CCSER1: variants seen among roughly 807,000 people sequenced by gnomAD.
CCSER1 encodes serine-rich coiled-coil domain-containing protein 1.
CCSER1 carries 41 observed loss-of-function variants against 82.0 expected under a neutral mutation model. The ratio of observed to expected loss-of-function variants is 0.50; its 90% CI spans 0.39 to 0.65. The LOEUF is 0.65. Among genes scored for constraint, CCSER1 ranks in the 30% least tolerant of loss-of-function variants. CCSER1 has a pLI of 0.00. For synonymous variants in CCSER1, 414 were observed against 383.9 expected (o/e 1.08, Z -0.92); for missense variants, 1,119 against 1,064.2 (o/e 1.05, Z -0.72).
intron 10 of CCSER1, among the ~76,000 whole-genome samples, chr4:91,332,295 T>G (rs1456095811): frequency 6.6e-6 from 1 of 151,906 alleles, no homozygotes; most frequent in African/African-American, 2.4e-5. Context: ...TGGAAAGCAT[T>G]GCTTACATTG....
At chr4:90,665,853 T>C (rs1168336779) in intron 6 of CCSER1, among the ~76,000 whole-genome samples, 1 of 152,150 alleles carries the variant, frequency 6.6e-6, no homozygotes. Flanking sequence ...CAAAGGGCAG[T>C]CTTCAAGGTG....
At chr4:90,350,602 T>G (rs912564861) in intron 3 of CCSER1, among the ~76,000 whole-genome samples, 2 of 152,132 alleles carry the variant, frequency 1.3e-5, no homozygotes, top group Non-Finnish European at 2.9e-5. Flanking sequence ...AATACTAATC[T>G]ACAGACATAA....
intron 6 of CCSER1, among the ~76,000 whole-genome samples, chr4:90,672,163 C>A (rs764165352): frequency 6.6e-6 from 1 of 151,992 alleles, no homozygotes. Flanking sequence ...AACTTAAAAT[C>A]CTCAGCTGTG....
At chr4:91,224,809 T>A (rs1738021132) in intron 10 of CCSER1, among the ~76,000 whole-genome samples, 1 of 151,700 alleles carries the variant, frequency 6.6e-6, no homozygotes, top group Non-Finnish European at 1.5e-5. Flanking sequence ...TTGTTACTAT[T>A]TTTTTTAACC....
chr4:91,107,637 CTCTTT>C (rs1725745231), intron 10 of CCSER1, among the ~76,000 whole-genome samples: 1 of 117,646 alleles, frequency 8.5e-6, no homozygotes, highest in Non-Finnish European at 1.7e-5. Context: ...TTTTCTTTTT[CTCTTT>C]TTTTTTTTTT....
chr4:90,302,901 A>G (rs1396232047), intron 1 of CCSER1, among the ~76,000 whole-genome samples: 1 of 152,146 alleles, frequency 6.6e-6, no homozygotes, highest in African/African-American at 2.4e-5. Context: ...GCGGAGCATG[A>G]AGTGTGACGA....
intron 10 of CCSER1, among the ~76,000 whole-genome samples, chr4:91,494,013 A>G (rs1758685768): frequency 1.3e-5 from 2 of 151,898 alleles, no homozygotes; most frequent in Admixed American, 6.6e-5. Flanking sequence ...TTGCCAATGC[A>G]ATAGTATTGA....
At chr4:91,542,818 C>T (rs1761676881) in intron 10 of CCSER1, among the ~76,000 whole-genome samples, 1 of 152,172 alleles carries the variant, frequency 6.6e-6, no homozygotes, top group South Asian at 2.1e-4. Context: ...TCTATCAGGC[C>T]TGCTTTGTGC....
chr4:91,319,157 G>A, intron 10 of CCSER1: 1 of 231,722 alleles, frequency 4.3e-6, no homozygotes, highest in Non-Finnish European at 8.9e-6. Context: ...AATAAAATTA[G>A]ATGATGCATA....
chr4:90,383,388 C>G (rs1034733576), intron 3 of CCSER1, among the ~76,000 whole-genome samples: 1 of 152,054 alleles, frequency 6.6e-6, no homozygotes, highest in Admixed American at 6.6e-5. Context: ...GAATCACAGG[C>G]CAATAGGTGA....
chr4:90,132,280 G>A (rs1014803225), intron 1 of CCSER1, among the ~76,000 whole-genome samples: 7 of 152,092 alleles, frequency 4.6e-5, no homozygotes, highest in South Asian at 2.1e-4. Context: ...ATGTAATCTC[G>A]TCCACTGTAT....
chr4:90,215,520 T>C (rs1740847317), intron 1 of CCSER1, among the ~76,000 whole-genome samples: 1 of 152,140 alleles, frequency 6.6e-6, no homozygotes, highest in Admixed American at 6.5e-5. Context: ...CACCTGACTT[T>C]CTTGAAGTTC....
At chr4:91,080,202 A>T (rs1288217466) in intron 9 of CCSER1, among the ~76,000 whole-genome samples, 1 of 152,202 alleles carries the variant, frequency 6.6e-6, no homozygotes, top group Non-Finnish European at 1.5e-5. Context: ...AAGAACAGAA[A>T]TTGTAACAAA....
chr4:91,410,985 C>T (rs1461079415), intron 10 of CCSER1, among the ~76,000 whole-genome samples: 1 of 151,794 alleles, frequency 6.6e-6, no homozygotes, highest in Admixed American at 6.6e-5. Context: ...CACTTCATCC[C>T]CAACTAAAAT....
intron 5 of CCSER1, among the ~76,000 whole-genome samples, chr4:90,478,973 T>C (rs1236655699): frequency 6.6e-6 from 1 of 152,080 alleles, no homozygotes; most frequent in East Asian, 1.9e-4. Flanking sequence ...ACTCCTGACC[T>C]CGTGATCTGC....
chr4:90,134,869 A>T (rs948357504), intron 1 of CCSER1, among the ~76,000 whole-genome samples: 5 of 152,202 alleles, frequency 3.3e-5, no homozygotes, highest in African/African-American at 1.2e-4. Flanking sequence ...CATAGAAGTA[A>T]ATGGACAGAA....
chr4:91,319,345 C>T (rs184976227), intron 10 of CCSER1, among the ~76,000 whole-genome samples: 2 of 152,066 alleles, frequency 1.3e-5, no homozygotes, highest in Non-Finnish European at 2.9e-5. Context: ...ATTGACTTCC[C>T]GGATTTGGTG....
chr4:91,365,057 T>C (rs1749515518), intron 10 of CCSER1, among the ~76,000 whole-genome samples: 1 of 152,196 alleles, frequency 6.6e-6, no homozygotes, highest in Admixed American at 6.5e-5. Flanking sequence ...TAGTGCACAC[T>C]ACTTCCATCA....
At chr4:90,612,028 T>A (rs1202477121) in intron 5 of CCSER1, among the ~76,000 whole-genome samples, 1 of 151,894 alleles carries the variant, frequency 6.6e-6, no homozygotes, top group East Asian at 1.9e-4. Context: ...ACTTTGATTT[T>A]CTTTTAAATG....
Sources: gnomAD v4.1 joint callset for allele counts (sites outside exome capture counted in the v4.1 genomes callset) on GRCh38, gnomAD v4.1.1 for gene constraint, MANE v1.5 for transcripts, NCBI Gene and HGNC (gene_info 2026-07-23, HGNC 2026-07-21) for gene names.